DNAI1: variants seen among roughly 807,000 people sequenced by gnomAD.
The protein encoded by DNAI1 is dynein, axonemal, intermediate polypeptide 1.
DNAI1 carries 67 observed loss-of-function variants against 92.0 expected under a neutral mutation model. That is an observed-to-expected ratio of 0.73 (90% confidence interval 0.60 to 0.89). The LOEUF (loss-of-function observed/expected upper bound fraction) is 0.89. DNAI1 is among the 40% of genes least tolerant of loss of function. The pLI is 0.00. For synonymous variants in DNAI1, 323 were observed against 319.6 expected, an observed-to-expected ratio of 1.01 and a Z score of -0.11; for missense variants, 839 against 866.6, an observed-to-expected ratio of 0.97 and a Z score of 0.40.
intron 4 of DNAI1, chr9:34,487,839 T>C (rs1824504085): frequency 3.1e-5 from 5 of 160,088 alleles, no homozygotes. Flanking sequence ...TTCCATCTCA[T>C]TGGTCCTGAA....
At chr9:34,514,885 C>T in intron 18 of DNAI1, 146 bp downstream of exon 18, 1 of 870,594 alleles carries the variant, frequency 1.1e-6, no homozygotes. Flanking sequence ...CAGGGGCAAG[C>T]CATCCAGGGT....
intron 8 of DNAI1, among the ~76,000 whole-genome samples, chr9:34,492,502 A>C (rs1824625726): frequency 2.3e-5 from 1 of 43,920 alleles, no homozygotes; most frequent in African/African-American, 1.0e-4. Context: ...AGATATATAT[A>C]TATATATATA....
intron 1 of DNAI1, among the ~76,000 whole-genome samples, chr9:34,480,272 CTTTTTTTTTTTT>C (rs202115133): frequency 0.26 from 26,012 of 100,278 alleles, 2,900 homozygotes; most frequent in East Asian, 0.41. Context: ...TTTGGTGGAA[CTTTTTTTTTTTT>C]TTTTTTTTTT....
At chr9:34,481,847 G>A (rs1325106556) in intron 1 of DNAI1, among the ~76,000 whole-genome samples, 2 of 152,240 alleles carry the variant, frequency 1.3e-5, no homozygotes, top group East Asian at 3.8e-4. Context: ...AGAGTGAGCA[G>A]TAGCAAGATT....
chr9:34,466,511 T>C (rs1824040796), intron 1 of DNAI1, among the ~76,000 whole-genome samples: 1 of 152,234 alleles, frequency 6.6e-6, no homozygotes, highest in African/African-American at 2.4e-5. Context: ...TTCTCTTCTC[T>C]TTCTGCCCTT....
At chr9:34,513,354 G>C (rs1825110994) in intron 16 of DNAI1, among the ~76,000 whole-genome samples, 163 bp downstream of exon 16, 1 of 152,294 alleles carries the variant, frequency 6.6e-6, no homozygotes, top group African/African-American at 2.4e-5. Flanking sequence ...TTGGGTGATA[G>C]GAATAAGGGC....
chr9:34,465,519 AT>A (rs1319311958), intron 1 of DNAI1, among the ~76,000 whole-genome samples: 4 of 152,226 alleles, frequency 2.6e-5, no homozygotes, highest in African/African-American at 9.6e-5. Context: ...TTTTGTTATG[AT>A]TATAGTCATG....
chr9:34,489,588 GCCTATAAT>G (rs1824540227), intron 5 of DNAI1, 139 bp downstream of exon 5: 3 of 1,071,296 alleles, frequency 2.8e-6, no homozygotes, highest in Non-Finnish European at 4.2e-6. Flanking sequence ...GGTGGTTCTT[GCCTATAAT>G]CCCAGCACTT....
intron 1 of DNAI1, among the ~76,000 whole-genome samples, chr9:34,474,175 A>G (rs1824195930): frequency 1.3e-5 from 2 of 152,238 alleles, no homozygotes; most frequent in African/African-American, 2.4e-5. Flanking sequence ...AAAATCACAA[A>G]TAAAGCTGAA....
chr9:34,483,346 G>C, intron 1 of DNAI1, 102 bp from the exon 2 acceptor site: 1 of 1,169,518 alleles, frequency 8.6e-7, no homozygotes, highest in Non-Finnish European at 1.2e-6. Flanking sequence ...CTCTCACTTT[G>C]ACTGTGAGAT....
At chr9:34,474,919 G>C (rs1006695455) in intron 1 of DNAI1, among the ~76,000 whole-genome samples, 1 of 152,136 alleles carries the variant, frequency 6.6e-6, no homozygotes, top group African/African-American at 2.4e-5. Context: ...ATTGAGTTGA[G>C]GGGTATATGC....
chr9:34,504,935 G>A (rs144562399), intron 12 of DNAI1, among the ~76,000 whole-genome samples: 233 of 152,208 alleles, frequency 1.5e-3, no homozygotes, highest in African/African-American at 4.9e-3. Context: ...TCAGAAGGGC[G>A]GAGGAGCATT....
intron 1 of DNAI1, among the ~76,000 whole-genome samples, chr9:34,466,019 G>A (rs897841647): frequency 1.3e-5 from 2 of 152,188 alleles, no homozygotes; most frequent in African/African-American, 4.8e-5. Flanking sequence ...AGAACCCTGG[G>A]TGTGAGAACC....
intron 19 of DNAI1, among the ~76,000 whole-genome samples, chr9:34,518,510 G>A (rs1825211900): frequency 6.6e-6 from 1 of 152,216 alleles, no homozygotes; most frequent in Admixed American, 6.5e-5. Flanking sequence ...CTGCAGCTGT[G>A]GCCCAGAGGC....
intron 10 of DNAI1, among the ~76,000 whole-genome samples, chr9:34,497,663 A>G (rs1193277017): frequency 6.6e-6 from 1 of 152,210 alleles, no homozygotes; most frequent in Non-Finnish European, 1.5e-5. Flanking sequence ...GTAGACAGAA[A>G]CCACTCTGGG....
In DNAI1 at chr9:34,458,805, G is replaced by T; in HGVS notation, c.-201G>T. ...AGCGCCTGCGCCTTGGCTGCTGGTC[G>T]GTTGCTGGGTAACCGCGTCAGGGAG... is the stretch of plus-strand genomic sequence containing the variant. On this transcript the variant is annotated 5_prime_UTR_variant, in exon 1 of 20. Transcript: ENST00000242317. The surrounding 1 kb of genome is among the most constrained non-coding windows in gnomAD (Gnocchi z 6.6). 2 of 628,282 alleles carry T rather than the reference G, an allele frequency of 3.2e-6. No homozygotes were observed. Among genetic ancestry groups the T allele is most frequent in the Non-Finnish European group, 5.8e-6 (2 of 347,270 alleles). The allele number at this position is 628,282 out of a possible 1,614,324, so 38.9% of individuals were successfully genotyped here. A position where few individuals can be genotyped will look rare whatever the true frequency, so the allele number is the denominator to read the frequency against.
intron 10 of DNAI1, among the ~76,000 whole-genome samples, chr9:34,499,176 A>G (rs1361492218): frequency 6.6e-6 from 1 of 152,252 alleles, no homozygotes; most frequent in African/African-American, 2.4e-5. Flanking sequence ...AGTATTTTCA[A>G]AGATAACCCA....
intron 7 of DNAI1, among the ~76,000 whole-genome samples, chr9:34,490,863 G>A (rs1335821167): frequency 2.0e-5 from 3 of 152,222 alleles, no homozygotes; most frequent in Non-Finnish European, 4.4e-5. Context: ...TAGACCAGCT[G>A]GCAAAGGCCA....
At chr9:34,496,733 G>A (rs1564035462) in intron 9 of DNAI1, among the ~76,000 whole-genome samples, 1 of 152,200 alleles carries the variant, frequency 6.6e-6, no homozygotes, top group South Asian at 2.1e-4. Context: ...AAACTTTTCT[G>A]TCTCCACCAA....
Sources: gnomAD v4.1 joint callset for allele counts (sites outside exome capture counted in the v4.1 genomes callset) on GRCh38, gnomAD v4.1.1 for gene constraint, Gnocchi (gnomAD v3.1) non-coding constraint, MANE v1.5 for transcripts, NCBI Gene and HGNC (gene_info 2026-07-23, HGNC 2026-07-21) for gene names.